NPAS3: variants seen among roughly 807,000 people sequenced by gnomAD.
NPAS3 encodes neuronal PAS domain protein 3.
Under a neutral mutation model 73.1 loss-of-function variants are expected in NPAS3, and 14 were observed. The ratio of observed to expected loss-of-function variants is 0.19; its 90% CI spans 0.13 to 0.30. NPAS3 has a LOEUF of 0.30. Among genes scored for constraint, NPAS3 ranks in the 10% least tolerant of loss-of-function variants. The probability of loss-of-function intolerance (pLI) is 1.00; values close to 1 mark genes in which losing one functional copy is unlikely to be tolerated. For synonymous variants in NPAS3, 620 were observed against 541.5 expected, an observed-to-expected ratio of 1.14 and a Z score of -2.01; for missense variants, 1,096 against 1,250.0, an observed-to-expected ratio of 0.88 and a Z score of 1.86.
chr14:33,044,045 G>A (rs772668480), intron 1 of NPAS3, among the ~76,000 whole-genome samples: 2 of 152,098 alleles, frequency 1.3e-5, no homozygotes, highest in African/African-American at 4.8e-5. Context: ...GTAGTACTTG[G>A]ATCAAACCAA....
chr14:33,544,825 A>ATATATATATTATATATATATATAAT lies in NPAS3; in HGVS notation c.469-15293_469-15292insATATATTATATATATATATAATTAT. Among the ~76,000 whole-genome samples, 24 of 112,154 alleles carry ATATATATATTATATATATATATAAT rather than the reference A, an allele frequency of 2.1e-4. 1 individual carries two copies. Among genetic ancestry groups the ATATATATATTATATATATATATAAT allele is most frequent in the African/African-American group, 5.7e-4 (14 of 24,544 alleles). The allele number at this position is 112,154 out of a possible 152,430, so 73.6% of individuals were successfully genotyped here. ...ATATATATATATGTATATATAATATATATGTGTATATATATATTATATATA... is the reference window on the plus strand; with the variant it reads ...ATATATATATATGTATATATAATATATATATATATTATATATATATATAATTATGTGTATATATATATTATATATA... On this transcript the variant is annotated intron_variant, in intron 4 of 11. Transcript: ENST00000356141.
intron 2 of NPAS3, among the ~76,000 whole-genome samples, chr14:33,192,631 C>T (rs969172312): frequency 2.0e-5 from 3 of 152,174 alleles, no homozygotes; most frequent in African/African-American, 2.4e-5. Context: ...ATCTTACCTT[C>T]ATACGGGGGG....
intron 2 of NPAS3, among the ~76,000 whole-genome samples, chr14:33,095,950 G>A (rs1566556906): frequency 6.6e-6 from 1 of 151,290 alleles, no homozygotes; most frequent in African/African-American, 2.4e-5. Context: ...CAAAGTGCTG[G>A]GATTACCAGC....
At chr14:33,484,933 G>A (rs1026537429) in intron 4 of NPAS3, among the ~76,000 whole-genome samples, 3 of 152,190 alleles carry the variant, frequency 2.0e-5, no homozygotes, top group Middle Eastern at 3.4e-3. Context: ...CATCACAGAG[G>A]GAGGAAACCC....
At chr14:33,418,060 T>A (rs1389528625) in intron 4 of NPAS3, among the ~76,000 whole-genome samples, 1 of 148,968 alleles carries the variant, frequency 6.7e-6, no homozygotes, top group Non-Finnish European at 1.5e-5. Context: ...TTTTTTTTTT[T>A]CAGAAATCTA....
chr14:33,258,027 G>A (rs182721079), intron 3 of NPAS3, among the ~76,000 whole-genome samples: 1 of 152,238 alleles, frequency 6.6e-6, no homozygotes, highest in African/African-American at 2.4e-5. Flanking sequence ...TGACACTTCC[G>A]GAGAGTAGCA....
At chr14:33,166,733 T>G (rs942055079) in intron 2 of NPAS3, among the ~76,000 whole-genome samples, 1 of 152,118 alleles carries the variant, frequency 6.6e-6, no homozygotes, top group African/African-American at 2.4e-5. Flanking sequence ...GAATGGCAAA[T>G]GGGATGAGAT....
intron 3 of NPAS3, among the ~76,000 whole-genome samples, chr14:33,308,864 A>G (rs1366262974): frequency 6.6e-6 from 1 of 152,192 alleles, no homozygotes; most frequent in Non-Finnish European, 1.5e-5. Flanking sequence ...TTAAGTTATA[A>G]TGCTAAGGAT....
intron 4 of NPAS3, among the ~76,000 whole-genome samples, chr14:33,558,014 G>A (rs1311547019): frequency 6.6e-6 from 1 of 152,178 alleles, no homozygotes; most frequent in Admixed American, 6.5e-5. Context: ...ATTTCATATA[G>A]TACTTGTGAA....
chr14:33,389,984 G>A (rs550283946), intron 4 of NPAS3, among the ~76,000 whole-genome samples: 3 of 152,146 alleles, frequency 2.0e-5, no homozygotes, highest in Non-Finnish European at 4.4e-5. Context: ...TCTGTCAGCC[G>A]AATGTTGTTC....
chr14:33,316,401 G>A (rs2043209515), intron 3 of NPAS3, among the ~76,000 whole-genome samples: 2 of 152,068 alleles, frequency 1.3e-5, no homozygotes, highest in African/African-American at 4.8e-5. Flanking sequence ...TGTGCAAGAA[G>A]ATCACAGTAC....
At chr14:32,983,115 CA>C (rs1297702395) in intron 1 of NPAS3, among the ~76,000 whole-genome samples, 3 of 152,056 alleles carry the variant, frequency 2.0e-5, no homozygotes, top group African/African-American at 7.2e-5. Context: ...TGCCATCATA[CA>C]AAGGTATCAA....
intron 3 of NPAS3, among the ~76,000 whole-genome samples, chr14:33,288,400 T>G (rs2041964974): frequency 6.6e-6 from 1 of 152,152 alleles, no homozygotes; most frequent in Non-Finnish European, 1.5e-5. Flanking sequence ...CTGATCTAGG[T>G]TATGAACTTT....
chr14:33,341,491 C>T (rs573347804), intron 3 of NPAS3, among the ~76,000 whole-genome samples: 11 of 151,508 alleles, frequency 7.3e-5, no homozygotes, highest in East Asian at 1.9e-4. Flanking sequence ...GGCCATTTGT[C>T]GTGCTATGGA....
At chr14:33,232,017 A>T (rs1418782868) in intron 3 of NPAS3, among the ~76,000 whole-genome samples, 1 of 152,196 alleles carries the variant, frequency 6.6e-6, no homozygotes, top group African/African-American at 2.4e-5. Flanking sequence ...TATGTATTTC[A>T]TAATAATACC....
chr14:32,970,703 C>T (rs1292706637), intron 1 of NPAS3, among the ~76,000 whole-genome samples: 1 of 152,152 alleles, frequency 6.6e-6, no homozygotes, highest in Non-Finnish European at 1.5e-5. Flanking sequence ...TTACCTTCTT[C>T]TGGAGGTTTG....
intron 1 of NPAS3, among the ~76,000 whole-genome samples, chr14:32,995,504 G>A (rs2038531257): frequency 6.6e-6 from 1 of 152,210 alleles, no homozygotes; most frequent in Admixed American, 6.5e-5. Context: ...GTGGAAATGT[G>A]ATATGGTTTG....
At chr14:33,021,233 C>T (rs1299172912) in intron 1 of NPAS3, among the ~76,000 whole-genome samples, 5 of 152,242 alleles carry the variant, frequency 3.3e-5, no homozygotes, top group Non-Finnish European at 7.4e-5. Context: ...GCAGCAGCAG[C>T]GTGAAAATCA....
At chr14:33,397,058 C>A (rs2047255401) in intron 4 of NPAS3, among the ~76,000 whole-genome samples, 1 of 151,972 alleles carries the variant, frequency 6.6e-6, no homozygotes, top group Non-Finnish European at 1.5e-5. Flanking sequence ...CTATCAAATC[C>A]ATGGGGAATG....
Sources: allele counts gnomAD v4.1 joint callset (sites outside exome capture counted in the v4.1 genomes callset), GRCh38; gene constraint gnomAD v4.1.1; transcripts MANE v1.5; gene names NCBI Gene and HGNC (gene_info 2026-07-23, HGNC 2026-07-21).